Variants in ABR observed in about 807,000 individuals in gnomAD.
The protein encoded by ABR is ABR activator of RhoGEF and GTPase.
Under a neutral mutation model 107.2 loss-of-function variants are expected in ABR, and 35 were observed. The observed-to-expected ratio is 0.33, with a 90% CI of 0.25 to 0.43. The LOEUF (loss-of-function observed/expected upper bound fraction) is 0.43, where lower values mean the gene tolerates loss of function less well. Among genes scored for constraint, ABR ranks in the 20% least tolerant of loss-of-function variants. ABR has a pLI of 1.00. For synonymous variants in ABR, 498 were observed against 462.0 expected (o/e 1.08, Z -1.00); for missense variants, 815 against 1,115.2 (o/e 0.73, Z 3.83).
chr17:1,032,489 G>A (rs963042736), intron 16 of ABR, among the ~76,000 whole-genome samples: 1 of 152,192 alleles, frequency 6.6e-6, no homozygotes, highest in African/African-American at 2.4e-5. Flanking sequence ...GGGTCACTTT[G>A]AACCATGGCC....
At chr17:1,129,357 G>A (rs1375487043) in intron 1 of ABR, among the ~76,000 whole-genome samples, 4 of 78,910 alleles carry the variant, frequency 5.1e-5, no homozygotes, top group African/African-American at 1.5e-4. Flanking sequence ...GGCCAATATG[G>A]TGAAGCCATA....
At chr17:1,085,826 C>T (rs189811265) in intron 4 of ABR, among the ~76,000 whole-genome samples, 1 of 152,282 alleles carries the variant, frequency 6.6e-6, no homozygotes, top group Admixed American at 6.5e-5. Context: ...AAATTAATTT[C>T]ACCTGCCTAT....
chr17:1,215,608 G>A (rs1198667398), intron 1 of ABR, among the ~76,000 whole-genome samples: 1 of 151,934 alleles, frequency 6.6e-6, no homozygotes. Context: ...CCTCCTAGCC[G>A]CCTGCCTTGG....
Position 1,078,921 on chromosome 17 carries a change from C to A in ABR, c.700+409G>T, listed in dbSNP as rs2035967654. On this transcript the variant is annotated intron_variant, in intron 6 of 22. Transcript: ENST00000302538. This position sits in a 1 kb window ranked among gnomAD's most constrained non-coding sequence, Gnocchi z 7.5. ...TCGCTCCAGGCTCCCCGGCGCCCAC[C>A]AGCAGCCCGGCCACTCAGCCACCTT... is the stretch of plus-strand genomic sequence containing the variant. The A allele has an allele frequency of 6.5e-7, 1 of 1,532,154 alleles. No homozygotes were observed. The highest frequency in any genetic ancestry group is 8.7e-7 in the Non-Finnish European group (1 of 1,144,728). The allele number at this position is 1,532,154 out of a possible 1,614,324, so 94.9% of individuals were successfully genotyped here.
chr17:1,141,055 C>G (rs2040264965), intron 1 of ABR, among the ~76,000 whole-genome samples: 1 of 152,142 alleles, frequency 6.6e-6, no homozygotes, highest in Non-Finnish European at 1.5e-5. Flanking sequence ...GGTTAAAGAA[C>G]TGGGCACAGT....
At chr17:1,142,548 G>A (rs2040328393) in intron 1 of ABR, among the ~76,000 whole-genome samples, 2 of 150,694 alleles carry the variant, frequency 1.3e-5, no homozygotes, top group Admixed American at 1.3e-4. Context: ...TCACACCATT[G>A]CACTCCAGCC....
At chr17:1,131,032 G>C (rs184691813) in intron 1 of ABR, among the ~76,000 whole-genome samples, 1 of 148,958 alleles carries the variant, frequency 6.7e-6, no homozygotes, top group Non-Finnish European at 1.5e-5. Flanking sequence ...CGCCTGACAC[G>C]CACACAGCTC....
intron 17 of ABR, 74 bp from the exon 18 acceptor site, chr17:1,012,871 T>C (rs926994472): frequency 3.1e-5 from 41 of 1,328,412 alleles, no homozygotes; most frequent in Admixed American, 1.2e-4. Flanking sequence ...AACACAGGGG[T>C]CCCCTCCCCA....
chr17:1,125,309 G>A lies in ABR; in HGVS notation c.120C>T (p.Pro40=), dbSNP rs748860099. The A allele has an allele frequency of 3.1e-6, 5 of 1,614,008 alleles. No individual in the cohort carries two copies. In the Middle Eastern group the frequency reaches 6.6e-4, roughly 213 times the overall value. The change falls in exon 2 of 23, where the codon CCC becomes CCT. Residue 40 remains proline (P), a synonymous_variant. Transcript: ENST00000302538. ...ACGGCATGGTCTCTGAGCCCTCCGG[G>A]GGCCCCTTCTGCTCCTCATTCCCCT... ...DGEGNEEQKG[P]PEGSETMPYI... is the part of the protein sequence containing the mutation.
chr17:1,195,681 G>A (rs1400051216), intron 1 of ABR, among the ~76,000 whole-genome samples: 1 of 151,370 alleles, frequency 6.6e-6, no homozygotes, highest in Non-Finnish European at 1.5e-5. Context: ...GTGGGCGCCT[G>A]TAGTCCCAGC....
intron 6 of ABR, among the ~76,000 whole-genome samples, chr17:1,076,714 C>CT (rs1555564421): frequency 2.4e-5 from 1 of 42,140 alleles, no homozygotes; most frequent in Non-Finnish European, 4.1e-5. Flanking sequence ...GGCAGGTGCA[C>CT]GGGGGGGGTG....
chr17:1,209,695 A>G (rs2042866171), intron 1 of ABR, among the ~76,000 whole-genome samples: 1 of 152,182 alleles, frequency 6.6e-6, no homozygotes, highest in Admixed American at 6.6e-5. Flanking sequence ...GTGGTGTTTT[A>G]TTGTCCACAT....
At chr17:1,173,581 G>A (rs192307837) in intron 1 of ABR, among the ~76,000 whole-genome samples, 108 of 152,096 alleles carry the variant, frequency 7.1e-4, no homozygotes, top group Admixed American at 1.4e-3. Flanking sequence ...ACTCCACTAC[G>A]AGCGAGTACA....
At chr17:1,183,803 G>A (rs1411300700), upstream of ABR, among the ~76,000 whole-genome samples, 1 of 152,152 alleles carries the variant, frequency 6.6e-6, no homozygotes, top group Non-Finnish European at 1.5e-5. Flanking sequence ...TGAATACACA[G>A]TGGGTGGGAG....
intron 1 of ABR, chr17:1,228,780 G>C (rs566655048): frequency 1.3e-5 from 2 of 152,014 alleles, no homozygotes; most frequent in African/African-American, 2.4e-5. Context: ...CGGGGTCTGG[G>C]GGGGGCGCCC....
At chr17:1,085,604 C>T (rs2036545193) in intron 4 of ABR, among the ~76,000 whole-genome samples, 1 of 152,164 alleles carries the variant, frequency 6.6e-6, no homozygotes, top group African/African-American at 2.4e-5. Context: ...AGAGCCGTAT[C>T]GTTCAGTGCA....
chr17:1,223,047 C>A (rs12949186), intron 1 of ABR, among the ~76,000 whole-genome samples: 75,507 of 151,488 alleles, frequency 0.5, 19,399 homozygotes, highest in Middle Eastern at 0.56. Flanking sequence ...ACTAAAAATA[C>A]AAAAAGTAAC....
At chr17:1,142,564 G>A (rs1385305334) in intron 1 of ABR, among the ~76,000 whole-genome samples, 11 of 148,318 alleles carry the variant, frequency 7.4e-5, no homozygotes, top group African/African-American at 2.2e-4. Context: ...CAGCCTGGGC[G>A]ATAAGAGCGA....
At chr17:1,083,081 G>A (rs1033073380) in intron 5 of ABR, among the ~76,000 whole-genome samples, 10 of 139,504 alleles carry the variant, frequency 7.2e-5, no homozygotes, top group East Asian at 2.1e-4. Context: ...CCGAGACCGC[G>A]CCACTGCACT....
Sources: allele counts gnomAD v4.1 joint callset (sites outside exome capture counted in the v4.1 genomes callset), GRCh38; gene constraint gnomAD v4.1.1; non-coding constraint Gnocchi (gnomAD v3.1); transcripts MANE v1.5; gene names NCBI Gene and HGNC (gene_info 2026-07-23, HGNC 2026-07-21).